Variants in KIF23 observed in about 807,000 individuals in gnomAD.
KIF23 encodes kinesin-like protein KIF23.
In KIF23, 30 loss-of-function variants were observed where a neutral mutation model predicts 137.5. The ratio of observed to expected loss-of-function variants is 0.22; its 90% CI spans 0.16 to 0.30. The LOEUF (loss-of-function observed/expected upper bound fraction) is 0.30. Among genes scored for constraint, KIF23 ranks in the 10% least tolerant of loss-of-function variants. The pLI is 1.00. For synonymous variants in KIF23, 367 were observed against 391.1 expected (o/e 0.94, Z 0.73); for missense variants, 920 against 1,194.3 (o/e 0.77, Z 3.38).
intron 11 of KIF23, among the ~76,000 whole-genome samples, chr15:69,430,316 A>G (rs538465536): frequency 2.7e-4 from 41 of 152,220 alleles, no homozygotes; most frequent in Non-Finnish European, 5.0e-4. Flanking sequence ...AGTGTGATCA[A>G]TCAGTGTAAT....
chr15:69,442,464 T>C (rs1007547003), intron 19 of KIF23, among the ~76,000 whole-genome samples: 4 of 152,384 alleles, frequency 2.6e-5, no homozygotes, highest in Non-Finnish European at 2.9e-5. Flanking sequence ...AGTAAACATT[T>C]ACTTTAGATT....
At chr15:69,415,234 A>G (rs1053306850) in intron 1 of KIF23, among the ~76,000 whole-genome samples, 20 of 152,340 alleles carry the variant, frequency 1.3e-4, no homozygotes, top group Non-Finnish European at 2.5e-4. Context: ...AAAATTATAT[A>G]TAAGAAATAT....
intron 1 of KIF23, 141 bp from the exon 2 acceptor site, chr15:69,415,853 G>A: frequency 1.7e-6 from 1 of 590,044 alleles, no homozygotes; most frequent in Non-Finnish European, 2.9e-6. Flanking sequence ...GATTATTAAT[G>A]TTATTTGGGA....
intron 7 of KIF23, among the ~76,000 whole-genome samples, chr15:69,424,623 A>G (rs942910499): frequency 6.6e-5 from 10 of 152,094 alleles, no homozygotes; most frequent in African/African-American, 2.4e-4. Context: ...TTAGCCTCCT[A>G]AGTAGCTGGA....
In KIF23 at chr15:69,435,473, T is replaced by G; in HGVS notation, c.1115-10T>G. The G allele has an allele frequency of 6.2e-7, 1 of 1,608,976 alleles. No individual in the cohort carries two copies. Among genetic ancestry groups the G allele is most frequent in the Non-Finnish European group, 8.5e-7 (1 of 1,176,214 alleles). Reference sequence around the variant, plus strand: ...TTCTGAAATGGCGTCTATGTATTTTTTTCTGTCAGGTAATATTAATCAGTC... The same window carrying G: ...TTCTGAAATGGCGTCTATGTATTTTGTTCTGTCAGGTAATATTAATCAGTC... On this transcript the variant is annotated splice_polypyrimidine_tract_variant and intron_variant, in intron 11 of 23. Coordinates refer to ENST00000679126, the MANE Select transcript of KIF23 (RefSeq NM_001367805.3).
chr15:69,442,754 AT>A (rs996392433), intron 19 of KIF23, among the ~76,000 whole-genome samples: 24 of 152,328 alleles, frequency 1.6e-4, no homozygotes, highest in African/African-American at 5.1e-4. Flanking sequence ...GAGATATCTA[AT>A]TTGGCTATGA....
intron 7 of KIF23, among the ~76,000 whole-genome samples, chr15:69,423,684 G>A (rs917226702): frequency 1.3e-5 from 2 of 152,108 alleles, no homozygotes; most frequent in African/African-American, 4.8e-5. Flanking sequence ...GAGTTTTGTA[G>A]GCTCTTTAAC....
intron 11 of KIF23, chr15:69,434,601 T>G: frequency 1.7e-4 from 213 of 1,287,704 alleles, no homozygotes; most frequent in Non-Finnish European, 2.2e-4. Flanking sequence ...TCCAAGGTCA[T>G]GATCTTAGAA....
At chr15:69,424,040 C>T (rs1284213066) in intron 7 of KIF23, among the ~76,000 whole-genome samples, 3 of 152,094 alleles carry the variant, frequency 2.0e-5, no homozygotes, top group Admixed American at 6.6e-5. Flanking sequence ...ATAAATAATA[C>T]GAAGACCTGT....
chr15:69,436,951 C>T (rs1420952762), intron 15 of KIF23, among the ~76,000 whole-genome samples: 2 of 152,074 alleles, frequency 1.3e-5, no homozygotes, highest in Admixed American at 6.5e-5. Flanking sequence ...GACGGGGTTT[C>T]GCCATGTAGG....
At chr15:69,441,393 C>T (rs150587708) in intron 19 of KIF23, among the ~76,000 whole-genome samples, 42 of 152,310 alleles carry the variant, frequency 2.8e-4, no homozygotes, top group African/African-American at 9.6e-4. Context: ...TGTCTTAAAG[C>T]ATACTTTCCA....
chr15:69,443,860 A>C (rs917359498), intron 19 of KIF23: 1 of 151,346 alleles, frequency 6.6e-6, no homozygotes, highest in Non-Finnish European at 1.5e-5. Flanking sequence ...GCTCACTGCA[A>C]TTTCCACCTC....
At chr15:69,424,849 G>T (rs1393738178) in intron 7 of KIF23, among the ~76,000 whole-genome samples, 2 of 152,138 alleles carry the variant, frequency 1.3e-5, no homozygotes, top group Non-Finnish European at 2.9e-5. Flanking sequence ...TTTCCCATTT[G>T]TTTTAAAGTG....
chr15:69,441,151 T>C, intron 19 of KIF23, 72 bp downstream of exon 19: 1 of 1,325,140 alleles, frequency 7.5e-7, no homozygotes, highest in South Asian at 1.5e-5. Context: ...AACTTGTGTC[T>C]GAAAGTTCAT....
At chr15:69,443,491 A>G (rs772787475) in intron 19 of KIF23, 5 of 151,570 alleles carry the variant, frequency 3.3e-5, no homozygotes, top group Non-Finnish European at 5.9e-5. Flanking sequence ...GGCATGTGCT[A>G]TCGCACCTGG....
intron 11 of KIF23, chr15:69,434,858 C>T (rs746634498): frequency 2.4e-5 from 19 of 787,968 alleles, no homozygotes; most frequent in Admixed American, 6.3e-5. Context: ...CATAGCTGCT[C>T]ACGTAGTCCA....
At chr15:69,434,570 G>A in intron 11 of KIF23, 1 of 1,089,730 alleles carries the variant, frequency 9.2e-7, no homozygotes. Context: ...TGTTGTCCTG[G>A]TCAAGATAAC....
chr15:69,440,878 T>C lies in KIF23; in HGVS notation c.2220T>C (p.Ile740=). 2 of 1,614,144 alleles carry C rather than the reference T, an allele frequency of 1.2e-6. No individual in the cohort carries two copies. The highest frequency in any genetic ancestry group is 1.7e-6 in the Non-Finnish European group (2 of 1,180,034). ...SCSSISVASC[I]SEWEQKIPTY... ...GCAGCATTTCTGTAGCTTCCTGTAT[T>C]TCGGAATGGGAGCAGAAAATTCCTA... Residue 740 remains isoleucine, a synonymous_variant, in exon 19 of 24, where the codon ATT becomes ATC. Transcript: ENST00000679126.
intron 3 of KIF23, 88 bp downstream of exon 3, chr15:69,417,599 G>C: frequency 7.2e-7 from 1 of 1,389,908 alleles, no homozygotes; most frequent in Non-Finnish European, 9.8e-7. Flanking sequence ...AAGTTCATTT[G>C]TGAGCCCACA....
Sources: gnomAD v4.1 joint callset for allele counts (sites outside exome capture counted in the v4.1 genomes callset) on GRCh38, gnomAD v4.1.1 for gene constraint, MANE v1.5 for transcripts, NCBI Gene and HGNC (gene_info 2026-07-23, HGNC 2026-07-21) for gene names.